IL1F10: variants seen among roughly 807,000 people sequenced by gnomAD.
IL1F10 encodes the protein interleukin-1 family member 10.
A neutral mutation model predicts 13.1 loss-of-function variants in IL1F10; 13 were observed. The ratio of observed to expected loss-of-function variants is 0.99; its 90% CI spans 0.64 to 1.57. The LOEUF (loss-of-function observed/expected upper bound fraction) is 1.57. Ranked by LOEUF, IL1F10 falls within the 40% of genes most tolerant of loss-of-function variation. The pLI, the probability that IL1F10 is intolerant of heterozygous loss-of-function variation, is 0.00. For missense variants in IL1F10, 191 were observed against 184.1 expected (o/e 1.04, Z -0.22); for synonymous variants, 78 against 68.2 (o/e 1.14, Z -0.71).
Position 113,074,841 on chromosome 2 carries a change from A to T in IL1F10, c.237A>T (p.Leu79=). The T allele has an allele frequency of 6.2e-7, 1 of 1,611,992 alleles. No individual in the cohort carries two copies. Among genetic ancestry groups the T allele is most frequent in the Non-Finnish European group, 8.5e-7 (1 of 1,179,796 alleles). The change falls in exon 4 of 5, where the codon CTA becomes CTT. Residue 79 remains leucine, a synonymous_variant. Transcript: ENST00000341010. ...ACVETEEGPS[L]QLEDVNIEEL... is the part of the protein sequence containing the mutation. ...TGGAGACAGAAGAGGGGCCTTCCCTACAGCTGGAGGTGAGAGGCCTCTCCC... is the reference window on the plus strand; with the variant it reads ...TGGAGACAGAAGAGGGGCCTTCCCTTCAGCTGGAGGTGAGAGGCCTCTCCC...
At chr2:113,073,937 A>G (rs963791440) in intron 2 of IL1F10, among the ~76,000 whole-genome samples, 9 of 152,254 alleles carry the variant, frequency 5.9e-5, no homozygotes, top group Admixed American at 5.2e-4. Flanking sequence ...TTTATAAACA[A>G]TTAGGGCAGG....
intron 1 of IL1F10, 68 bp downstream of exon 1, chr2:113,068,084 C>A (rs1685773554): frequency 6.6e-6 from 1 of 152,198 alleles, no homozygotes; most frequent in Admixed American, 6.5e-5. Context: ...GTCAATATCT[C>A]TGGTATGCCC....
chr2:113,074,628 C>T, intron 3 of IL1F10, 95 bp from the exon 4 acceptor site: 1 of 1,480,228 alleles, frequency 6.8e-7, no homozygotes, highest in South Asian at 1.1e-5. Context: ...CAGGTGTGCC[C>T]ATGTCCAGTT....
intron 1 of IL1F10, among the ~76,000 whole-genome samples, chr2:113,070,474 T>A (rs1002798548): frequency 6.6e-6 from 1 of 152,180 alleles, no homozygotes; most frequent in Non-Finnish European, 1.5e-5. Context: ...GTGGGAGTCA[T>A]CAGCTTGCTA....
At chr2:113,072,011 C>T (rs911431294) in intron 1 of IL1F10, among the ~76,000 whole-genome samples, 2 of 152,164 alleles carry the variant, frequency 1.3e-5, no homozygotes, top group Non-Finnish European at 2.9e-5. Context: ...GACAGGATAA[C>T]CCATCGGGAA....
At chr2:113,072,541 T>C (rs1465414359) in intron 1 of IL1F10, 170 bp from the exon 2 acceptor site, 4 of 555,172 alleles carry the variant, frequency 7.2e-6, no homozygotes, top group South Asian at 2.2e-5. Context: ...CAGAGCTGCC[T>C]GGAGCCTGCT....
At chr2:113,074,285 G>T (rs1384981262) in intron 2 of IL1F10, 44 bp from the exon 3 acceptor site, 3 of 1,252,972 alleles carry the variant, frequency 2.4e-6, no homozygotes, top group Admixed American at 3.4e-5. Context: ...GGGGCCAGTG[G>T]TGCATAAAGG....
intron 1 of IL1F10, among the ~76,000 whole-genome samples, chr2:113,070,185 G>T (rs1459117210): frequency 4.6e-5 from 7 of 152,154 alleles, no homozygotes; most frequent in African/African-American, 1.4e-4. Flanking sequence ...AAGCTTTGGG[G>T]GTGAGGCATG....
At chr2:113,072,313 A>C in intron 1 of IL1F10, 1 of 158,042 alleles carries the variant, frequency 6.3e-6, no homozygotes. Flanking sequence ...CCTGTTGGCC[A>C]ACAGGGCAGT....
At chr2:113,074,262 G>A (rs1467583070) in intron 2 of IL1F10, 67 bp from the exon 3 acceptor site, 7 of 996,072 alleles carry the variant, frequency 7.0e-6, no homozygotes, top group African/African-American at 1.6e-5. Flanking sequence ...GAGCATGGAA[G>A]TGGAAGGGCT....
intron 1 of IL1F10, among the ~76,000 whole-genome samples, chr2:113,070,490 C>T (rs1434911046): frequency 6.6e-6 from 1 of 152,166 alleles, no homozygotes; most frequent in African/African-American, 2.4e-5. Context: ...TGCTATCCAC[C>T]TTCACCCAGG....
intron 2 of IL1F10, among the ~76,000 whole-genome samples, chr2:113,074,027 C>T (rs993294662): frequency 1.3e-5 from 2 of 152,186 alleles, no homozygotes; most frequent in Non-Finnish European, 2.9e-5. Flanking sequence ...AAGCCAGGAA[C>T]ATTTTCTTTA....
Position 113,074,750 on chromosome 2 carries a change from G to T in IL1F10, c.146G>T (p.Gly49Val). The T allele has an allele frequency of 1.9e-6, 3 of 1,613,796 alleles. No homozygotes were observed. Among genetic ancestry groups the T allele is most frequent in the Non-Finnish European group, 1.7e-6 (2 of 1,179,708 alleles). The part of the protein sequence containing the change: ...AEKICILPNR[G>V]LARTKVPIFL... ...AAGATCTGCATACTTCCTAACAGAG[G>T]CTTGGCCCGCACCAAGGTCCCCATT... The change falls in exon 4 of 5, where the codon GGC (glycine) becomes GTC (valine). Residue 49 changes from glycine (G) to valine (V), a missense_variant. Gly to Val is a moderately radical substitution (Grantham distance 109, BLOSUM62 -3). Transcript: ENST00000341010.
In IL1F10 at chr2:113,075,422, G is replaced by T; in HGVS notation, c.*58G>T. On this transcript the variant is annotated 3_prime_UTR_variant, in exon 5 of 5. Coordinates refer to ENST00000341010, the MANE Select transcript of IL1F10 (RefSeq NM_173161.3). ...CCCAAACCAAGCTCATCCTGCTCAG[G>T]GTCTATGGTAGGCAGAATAATGTCC... 2 of 1,301,152 alleles carry T rather than the reference G, an allele frequency of 1.5e-6. No homozygotes were observed. The highest frequency in any genetic ancestry group is 2.9e-5 in the South Asian group (2 of 68,940). 80.6% of individuals were successfully genotyped at this position (1,301,152 alleles called of 1,614,324 possible).
intron 1 of IL1F10, among the ~76,000 whole-genome samples, chr2:113,068,293 T>A (rs982566295): frequency 2.6e-5 from 4 of 151,968 alleles, no homozygotes; most frequent in Admixed American, 2.0e-4. Context: ...TCTGGGCCAA[T>A]GGTATTCAAA....
In IL1F10 at chr2:113,075,554, A is replaced by C; in HGVS notation, c.*190A>C. ...ATGTTAAGGATCTTGAAATGAGGAG[A>C]CAATCCTGGGTTATCCTTGTGGGCT... On this transcript the variant is annotated 3_prime_UTR_variant, in exon 5 of 5. Coordinates refer to ENST00000341010, the MANE Select transcript of IL1F10 (RefSeq NM_173161.3). 1 of 425,822 alleles carries C rather than the reference A, an allele frequency of 2.3e-6. No individual in the cohort carries two copies. The allele number at this position is 425,822 out of a possible 1,614,324, so 26.4% of individuals were successfully genotyped here.
At position 113,074,789 on chromosome 2, in the gene IL1F10, A is replaced by G. The variant is rs778073680; in HGVS notation, c.185A>G (p.Gln62Arg). ...AAGGTCCCCATTTTCCTGGGGATCC[A>G]GGGAGGGAGCCGCTGCCTGGCATGT... The part of the protein sequence containing the change: ...RTKVPIFLGI[Q>R]GGSRCLACVE... Residue 62 changes from glutamine to arginine, a missense_variant, in exon 4 of 5, where the codon CAG becomes CGG. Physicochemically the swap from Gln to Arg is conservative, Grantham distance 43. Coordinates refer to ENST00000341010, the MANE Select transcript of IL1F10 (RefSeq NM_173161.3). 2 of 1,613,828 alleles carry G rather than the reference A, an allele frequency of 1.2e-6. No homozygotes were observed. The highest frequency in any genetic ancestry group is 1.1e-5 in the South Asian group (1 of 91,072).
At position 113,074,854 on chromosome 2, in the gene IL1F10, A is replaced by T. The variant is rs1004401836; in HGVS notation, c.246+4A>T. 1.9e-6 allele frequency: 3 copies of T among 1,611,450 alleles called. No individual in the cohort carries two copies. Among genetic ancestry groups the T allele is most frequent in the Non-Finnish European group, 2.5e-6 (3 of 1,179,566 alleles). On this transcript the variant is annotated splice_donor_region_variant and intron_variant, in intron 4 of 4. Transcript: ENST00000341010. Reference sequence around the variant, plus strand: ...GGGGCCTTCCCTACAGCTGGAGGTGAGAGGCCTCTCCCCATTCTAGGGGAC... The same window carrying T: ...GGGGCCTTCCCTACAGCTGGAGGTGTGAGGCCTCTCCCCATTCTAGGGGAC...
rs773477457 is a variant in IL1F10 at position 113,074,414 on chromosome 2, GGTGAGCTTCTGGGGC to G, written c.118+1_118+15del. The G allele has an allele frequency of 1.2e-6, 2 of 1,612,262 alleles. No homozygotes were observed. The highest frequency in any genetic ancestry group is 1.7e-6 in the Non-Finnish European group (2 of 1,178,504). On this transcript the variant is annotated splice_donor_variant and splice_donor_5th_base_variant and intron_variant, in intron 3 of 4. Coordinates refer to ENST00000341010, the MANE Select transcript of IL1F10 (RefSeq NM_173161.3). LOFTEE classifies it high-confidence loss of function. Reference sequence around the variant, plus strand: ...TCCTGTTGCAGACAACTGCTGTGCAGGTGAGCTTCTGGGGCCTCCACCCCATGCTCCATCTGCCAT... The same window carrying G: ...TCCTGTTGCAGACAACTGCTGTGCAGCTCCACCCCATGCTCCATCTGCCAT...
Sources: allele counts gnomAD v4.1 joint callset (sites outside exome capture counted in the v4.1 genomes callset), GRCh38; gene constraint gnomAD v4.1.1; transcripts MANE v1.5; gene names NCBI Gene and HGNC (gene_info 2026-07-23, HGNC 2026-07-21).